PRDM16: variants seen among roughly 807,000 people sequenced by gnomAD.
PRDM16 encodes the protein PR/SET domain 16.
PRDM16 carries 23 observed loss-of-function variants against 110.6 expected under a neutral mutation model. The ratio of observed to expected loss-of-function variants is 0.21; its 90% CI spans 0.15 to 0.29. The LOEUF (loss-of-function observed/expected upper bound fraction) is 0.29. Among genes scored for constraint, PRDM16 ranks in the 10% least tolerant of loss-of-function variants. The pLI is 1.00. For missense variants in PRDM16, 1,615 were observed against 1,794.3 expected, an observed-to-expected ratio of 0.90 and a Z score of 1.81; for synonymous variants, 799 against 781.8, an observed-to-expected ratio of 1.02 and a Z score of -0.37.
At chr1:3,325,357 C>G (rs909374770) in intron 3 of PRDM16, among the ~76,000 whole-genome samples, 2 of 152,202 alleles carry the variant, frequency 1.3e-5, no homozygotes, top group African/African-American at 2.4e-5. Context: ...AGCATCAGCT[C>G]TCTCTGGGAG....
rs548232615 is a variant in PRDM16 at position 3,358,893 on chromosome 1, G to A, written c.439-26259G>A. 1.3e-5 allele frequency among the ~76,000 whole-genome samples: 2 copies of A among 152,304 alleles called. No individual in the cohort carries two copies. The highest frequency in any genetic ancestry group is 4.2e-4 in the South Asian group (2 of 4,818). On this transcript the variant is annotated intron_variant, in intron 3 of 16. Transcript: ENST00000270722. The surrounding 1 kb of genome is among the most constrained non-coding windows in gnomAD (Gnocchi z 4.0). The stretch of plus-strand genomic sequence containing the variant: ...ACCCCTCTTGGGCCGCAGAGGAGGT[G>A]GGGAAGCCGTGAAGATGTTCTCCAT...
At chr1:3,322,684 C>T (rs980075982) in intron 3 of PRDM16, among the ~76,000 whole-genome samples, 1 of 152,222 alleles carries the variant, frequency 6.6e-6, no homozygotes, top group Admixed American at 6.5e-5. Flanking sequence ...AGAGCTGCTT[C>T]TCCCCCAGAT....
chr1:3,351,163 C>G (rs1263700602), intron 3 of PRDM16, among the ~76,000 whole-genome samples: 1 of 152,158 alleles, frequency 6.6e-6, no homozygotes, highest in East Asian at 1.9e-4. Flanking sequence ...CTCAGAAGCA[C>G]CTGCTTCCCA....
intron 1 of PRDM16, among the ~76,000 whole-genome samples, chr1:3,170,986 T>C (rs923152060): frequency 6.6e-6 from 1 of 152,220 alleles, no homozygotes; most frequent in African/African-American, 2.4e-5. Flanking sequence ...CCGTCTTGGC[T>C]AGAGAGCCCA....
chr1:3,380,485 G>C (rs76419782), intron 3 of PRDM16, among the ~76,000 whole-genome samples: 2,889 of 152,210 alleles, frequency 0.019, 38 homozygotes, highest in Non-Finnish European at 0.026. Context: ...GCCAGAGAGG[G>C]GACCCCACCC....
intron 1 of PRDM16, among the ~76,000 whole-genome samples, chr1:3,091,378 C>G (rs1366980868): frequency 6.6e-6 from 1 of 152,186 alleles, no homozygotes; most frequent in African/African-American, 2.4e-5. Context: ...GAGACGACAG[C>G]ATCTCTTTCA....
At chr1:3,140,424 C>T (rs890743570) in intron 1 of PRDM16, among the ~76,000 whole-genome samples, 1 of 152,090 alleles carries the variant, frequency 6.6e-6, no homozygotes, top group Non-Finnish European at 1.5e-5. Context: ...TGTTTGCCTC[C>T]GAGAAGGGAC....
chr1:3,082,337 C>G (rs990027677), intron 1 of PRDM16, among the ~76,000 whole-genome samples: 1 of 152,194 alleles, frequency 6.6e-6, no homozygotes, highest in African/African-American at 2.4e-5. Flanking sequence ...GCCTCGGGGT[C>G]TGCCTGGCCA....
intron 1 of PRDM16, among the ~76,000 whole-genome samples, chr1:3,170,495 T>C (rs901960629): frequency 2.6e-5 from 4 of 152,174 alleles, no homozygotes; most frequent in African/African-American, 9.7e-5. Flanking sequence ...AGGGTCCTCC[T>C]GGCCCCGAGA....
At chr1:3,099,255 G>A (rs143706697) in intron 1 of PRDM16, among the ~76,000 whole-genome samples, 7 of 152,316 alleles carry the variant, frequency 4.6e-5, no homozygotes, top group East Asian at 1.9e-4. Flanking sequence ...CCTTGGCTCC[G>A]CCACCTCCCA....
chr1:3,342,174 A>T (rs567931890), intron 3 of PRDM16, among the ~76,000 whole-genome samples: 1 of 152,320 alleles, frequency 6.6e-6, no homozygotes, highest in East Asian at 1.9e-4. Context: ...CTCCCCACCG[A>T]ACCCCAGAAG....
At position 3,213,674 on chromosome 1, in the gene PRDM16, A is replaced by G. The variant is rs1184456360; in HGVS notation, c.387+27200A>G. Among the ~76,000 whole-genome samples, 2 of 151,954 alleles carry G rather than the reference A, an allele frequency of 1.3e-5. No homozygotes were observed. Among genetic ancestry groups the G allele is most frequent in the African/African-American group, 4.8e-5 (2 of 41,364 alleles). On this transcript the variant is annotated intron_variant, in intron 2 of 16. Transcript: ENST00000270722. This position sits in a 1 kb window ranked among gnomAD's most constrained non-coding sequence, Gnocchi z 5.3. ...CAAGCTCCTCCTGTTCTTACCCAGC[A>G]TTTCCCCAGGATTCCAGGAGACTCT...
chr1:3,413,105 C>T (rs1018950119), intron 9 of PRDM16, among the ~76,000 whole-genome samples: 7 of 152,128 alleles, frequency 4.6e-5, no homozygotes, highest in South Asian at 4.2e-4. Context: ...TGGCCTCGAG[C>T]GCCTCCTATC....
chr1:3,399,505 G>A (rs1643434190), intron 5 of PRDM16, among the ~76,000 whole-genome samples: 1 of 152,170 alleles, frequency 6.6e-6, no homozygotes, highest in Non-Finnish European at 1.5e-5. Flanking sequence ...GTAAGGGCAG[G>A]CCAGGCTCAG....
At chr1:3,286,568 G>T (rs1458476119) in intron 3 of PRDM16, among the ~76,000 whole-genome samples, 4 of 152,150 alleles carry the variant, frequency 2.6e-5, no homozygotes, top group Non-Finnish European at 4.4e-5. Context: ...AGAGGAGAAA[G>T]AAGAAGACAT....
chr1:3,194,647 C>A (rs113208842), intron 2 of PRDM16, among the ~76,000 whole-genome samples: 2 of 125,444 alleles, frequency 1.6e-5, no homozygotes, highest in Non-Finnish European at 3.2e-5. Flanking sequence ...CCCCGCCACA[C>A]GCCACCGTCT....
intron 3 of PRDM16, among the ~76,000 whole-genome samples, chr1:3,310,336 C>G (rs1364779921): frequency 1.3e-5 from 2 of 152,314 alleles, no homozygotes; most frequent in Non-Finnish European, 2.9e-5. Flanking sequence ...GAGTGCCCCC[C>G]ACCCATCTTC....
At chr1:3,168,420 C>T (rs1041530752) in intron 1 of PRDM16, among the ~76,000 whole-genome samples, 3 of 148,682 alleles carry the variant, frequency 2.0e-5, no homozygotes, top group Admixed American at 1.4e-4. Flanking sequence ...GCAAGTGGCT[C>T]TTTCCAATCT....
At chr1:3,414,492 T>C in intron 9 of PRDM16, 68 bp from the exon 10 acceptor site, 1 of 1,267,784 alleles carries the variant, frequency 7.9e-7, no homozygotes, top group Non-Finnish European at 1.1e-6. Flanking sequence ...TGGGCGGCTC[T>C]GTGGAGCGGG....
Sources: allele counts gnomAD v4.1 joint callset (sites outside exome capture counted in the v4.1 genomes callset), GRCh38; gene constraint gnomAD v4.1.1; non-coding constraint Gnocchi (gnomAD v3.1); transcripts MANE v1.5; gene names NCBI Gene and HGNC (gene_info 2026-07-23, HGNC 2026-07-21).